The following NOC3L variants were observed in gnomAD, a reference collection of about 807,000 sequenced individuals.
NOC3L encodes the protein nucleolar complex protein 3 homolog.
NOC3L carries 85 observed loss-of-function variants against 102.5 expected under a neutral mutation model. The observed-to-expected ratio is 0.83, with a 90% CI of 0.70 to 0.99. The LOEUF is 0.99. NOC3L is among the 50% of genes least tolerant of loss of function. NOC3L has a pLI of 0.00. For synonymous variants in NOC3L, 303 were observed against 309.4 expected, an observed-to-expected ratio of 0.98 and a Z score of 0.22; for missense variants, 878 against 914.9, an observed-to-expected ratio of 0.96 and a Z score of 0.52.
chr10:94,353,811 CATT>C (rs1348327102), intron 6 of NOC3L, among the ~76,000 whole-genome samples: 1 of 152,158 alleles, frequency 6.6e-6, no homozygotes, highest in East Asian at 1.9e-4. Flanking sequence ...ATGTTATATA[CATT>C]AACCAAATAT....
intron 11 of NOC3L, among the ~76,000 whole-genome samples, chr10:94,345,568 T>C (rs761845089): frequency 1.3e-5 from 2 of 152,186 alleles, no homozygotes; most frequent in Admixed American, 6.5e-5. Context: ...AGAGCTGCCA[T>C]GTTCTTATTG....
chr10:94,333,692 T>C lies in NOC3L; in HGVS notation c.*485A>G, dbSNP rs1404901145. ...TATTTTTTTCTTTTCTCAAATATCT[T>C]CATAAAAATATATTAACTCAAATTT... On this transcript the variant is annotated 3_prime_UTR_variant, in exon 21 of 21. Coordinates refer to ENST00000371361, the MANE Select transcript of NOC3L (RefSeq NM_022451.11). 1 of 152,144 alleles carries C rather than the reference T, an allele frequency of 6.6e-6. No homozygotes were observed. Among genetic ancestry groups the C allele is most frequent in the Non-Finnish European group, 1.5e-5 (1 of 68,012 alleles). The allele number at this position is 152,144 out of a possible 1,614,324, so 9.4% of individuals were successfully genotyped here.
chr10:94,334,312 A>C lies in NOC3L; in HGVS notation c.2275-7T>G. 1 of 1,558,596 alleles carries C rather than the reference A, an allele frequency of 6.4e-7. No individual in the cohort carries two copies. The highest frequency in any genetic ancestry group is 8.8e-7 in the Non-Finnish European group (1 of 1,134,508). ...CCCCTTGTAAAAATTTACCCTAGGA[A>C]AATATTTAAAGTATGAGTTAGAAGT... On this transcript the variant is annotated splice_polypyrimidine_tract_variant and splice_region_variant and intron_variant, in intron 20 of 20. Transcript: ENST00000371361.
At chr10:94,344,187 T>C (rs184466261) in intron 13 of NOC3L, among the ~76,000 whole-genome samples, 1 of 152,236 alleles carries the variant, frequency 6.6e-6, no homozygotes, top group East Asian at 1.9e-4. Context: ...ACCTAGAATT[T>C]AGTAGGCAGA....
At chr10:94,348,442 A>G (rs1368991801) in intron 10 of NOC3L, among the ~76,000 whole-genome samples, 1 of 152,040 alleles carries the variant, frequency 6.6e-6, no homozygotes, top group African/African-American at 2.4e-5. Context: ...CCACAAACAG[A>G]TAGTTTCGTT....
Position 94,344,856 on chromosome 10 carries a change from T to G in NOC3L, c.1467A>C (p.Lys489Asn). ...EASESTEKKL[K>N]LHTETLNIVF... Reference sequence around the variant, plus strand: ...AACAGAATATGAAACTGCCTACCAGTTTAAGTTTTTTCTCAGTACTCTCTG... The same window carrying G: ...AACAGAATATGAAACTGCCTACCAGGTTAAGTTTTTTCTCAGTACTCTCTG... The change falls in exon 12 of 21, where the codon AAA becomes AAC. Residue 489 changes from lysine to asparagine, a missense_variant. Transcript: ENST00000371361. 1 of 1,597,066 alleles carries G rather than the reference T, an allele frequency of 6.3e-7. No homozygotes were observed. Among genetic ancestry groups the G allele is most frequent in the Non-Finnish European group, 8.5e-7 (1 of 1,174,790 alleles).
intron 20 of NOC3L, 77 bp downstream of exon 20, chr10:94,334,557 A>C: frequency 9.3e-7 from 1 of 1,072,702 alleles, no homozygotes; most frequent in South Asian, 1.4e-5. Flanking sequence ...TAAAATAATT[A>C]AGCAAACTGG....
At chr10:94,321,786 T>G in the NOC3L span, 3 of 736,686 alleles carry the variant, frequency 4.1e-6, no homozygotes, top group Non-Finnish European at 7.0e-6. Flanking sequence ...ATATGAGATA[T>G]TAAGCTAAGA....
the NOC3L span, among the ~76,000 whole-genome samples, chr10:94,320,347 ATATCTT>A: frequency 6.6e-6 from 1 of 151,470 alleles, no homozygotes. Flanking sequence ...AATAGATTAT[ATATCTT>A]TATTTATTTA....
intron 1 of NOC3L, 138 bp from the exon 2 acceptor site, chr10:94,362,010 A>C: frequency 1.4e-6 from 1 of 731,842 alleles, no homozygotes; most frequent in Non-Finnish European, 2.4e-6. Context: ...TATAAAAGCT[A>C]AAACCAAACG....
chr10:94,334,231 A>T lies in NOC3L; in HGVS notation c.2349T>A (p.Val783=). ...TGAAATCCAGAGGCGATTCAGTAGC[A>T]ACTTCACTGGAGTATCTTTTGATTA... ...NQLIKRYSSE[V]ATESPLDFTK... Residue 783 remains valine, a synonymous_variant, in exon 21 of 21, where the codon GTT becomes GTA. Transcript: ENST00000371361. 4 of 1,610,810 alleles carry T rather than the reference A, an allele frequency of 2.5e-6. No homozygotes were observed. Among genetic ancestry groups the T allele is most frequent in the Non-Finnish European group, 3.4e-6 (4 of 1,177,408 alleles).
rs766538492 is a variant in NOC3L at position 94,349,375 on chromosome 10, A to T, written c.1132T>A (p.Ser378Thr). The change falls in exon 10 of 21, where the codon TCT becomes ACT. Residue 378 changes from serine to threonine, a missense_variant. Transcript: ENST00000371361. ...TTCACAGCTTCACAACACATTTCAGATATCTGAAAAATAAAATGTCATACT... is the reference window on the plus strand; with the variant it reads ...TTCACAGCTTCACAACACATTTCAGTTATCTGAAAAATAAAATGTCATACT... ...PLMNDMSKLI[S>T]EMCCEAVKKL... 17 of 1,572,022 alleles carry T rather than the reference A, an allele frequency of 1.1e-5. No homozygotes were observed. The highest frequency in any genetic ancestry group is 1.3e-5 in the Non-Finnish European group (15 of 1,168,286).
intron 2 of NOC3L, chr10:94,361,204 T>G (rs148720802): frequency 6.4e-6 from 1 of 156,924 alleles, no homozygotes; most frequent in African/African-American, 2.4e-5. Flanking sequence ...AAAATAACCA[T>G]GACAATTACA....
intron 1 of NOC3L, 132 bp from the exon 2 acceptor site, chr10:94,362,004 A>G (rs2054557131): frequency 1.3e-6 from 1 of 770,372 alleles, no homozygotes; most frequent in Non-Finnish European, 2.2e-6. Context: ...CTTGCATATA[A>G]AAGCTAAAAC....
chr10:94,341,441 A>AG (rs2054284110), intron 14 of NOC3L, among the ~76,000 whole-genome samples: 2 of 151,622 alleles, frequency 1.3e-5, no homozygotes, highest in African/African-American at 4.8e-5. Flanking sequence ...TAAAAAAAAA[A>AG]AAAAGAAAAC....
intron 5 of NOC3L, among the ~76,000 whole-genome samples, chr10:94,355,391 C>CA (rs2054471613): frequency 7.2e-6 from 1 of 139,624 alleles, no homozygotes; most frequent in African/African-American, 2.6e-5. Context: ...GATTCTAGAA[C>CA]TTTTTTTTTT....
In NOC3L at chr10:94,337,809, G is replaced by T. The variant is rs1312399164; in HGVS notation, c.2157C>A (p.Gly719=). 1 of 1,613,900 alleles carries T rather than the reference G, an allele frequency of 6.2e-7. No individual in the cohort carries two copies. The highest frequency in any genetic ancestry group is 1.1e-5 in the South Asian group (1 of 91,072). The change falls in exon 19 of 21, where the codon GGC becomes GGA. Residue 719 remains glycine (G), a synonymous_variant. Coordinates refer to ENST00000371361, the MANE Select transcript of NOC3L (RefSeq NM_022451.11). ...TCAACTCTGGTTTGAGTGCTCCAGA[G>T]CCTTCAGAAGGTGCTCCAGCGATCA... ...AHLIAGAPSE[G]SGALKPELSR... is the part of the protein sequence containing the mutation.
intron 2 of NOC3L, among the ~76,000 whole-genome samples, chr10:94,360,140 A>C (rs2054535865): frequency 6.6e-6 from 1 of 152,030 alleles, no homozygotes; most frequent in Non-Finnish European, 1.5e-5. Flanking sequence ...ACATGGTGAA[A>C]CCCCGGCTCT....
rs1226991359 is a variant in NOC3L at position 94,339,822 on chromosome 10, T to C, written c.1879A>G (p.Ile627Val). ...AGAGCAAGGGTACAAAGGCGTTTGATGAAGGCAAGAGCTCGCTGCTGAGAA... is the reference window on the plus strand; with the variant it reads ...AGAGCAAGGGTACAAAGGCGTTTGACGAAGGCAAGAGCTCGCTGCTGAGAA... ...QVSQQRALAFIKRLCTLALHV... is the reference protein window; with the variant it reads ...QVSQQRALAFVKRLCTLALHV... Residue 627 changes from isoleucine to valine, a missense_variant, in exon 17 of 21, where the codon ATC becomes GTC. Physicochemically the swap from Ile to Val is conservative, Grantham distance 29 (BLOSUM62 3). Coordinates refer to ENST00000371361, the MANE Select transcript of NOC3L (RefSeq NM_022451.11). The C allele has an allele frequency of 2.5e-6, 4 of 1,614,216 alleles. No individual in the cohort carries two copies. The highest frequency in any genetic ancestry group is 1.3e-5 in the African/African-American group (1 of 75,064).
Sources: gnomAD v4.1 joint callset for allele counts (sites outside exome capture counted in the v4.1 genomes callset) on GRCh38, gnomAD v4.1.1 for gene constraint, MANE v1.5 for transcripts, NCBI Gene and HGNC (gene_info 2026-07-23, HGNC 2026-07-21) for gene names.